Variants in ERBB4 observed in about 807,000 individuals in gnomAD.
ERBB4 encodes erb-b2 receptor tyrosine kinase 4, also known as receptor tyrosine-protein kinase erbB-4.
In ERBB4, 42 loss-of-function variants were observed where a neutral mutation model predicts 158.0. The ratio of observed to expected loss-of-function variants is 0.27; its 90% confidence interval spans 0.21 to 0.34. The LOEUF (loss-of-function observed/expected upper bound fraction) is 0.34. Among genes scored for constraint, ERBB4 ranks in the 10% least tolerant of loss-of-function variants. The pLI is 1.00. For missense variants in ERBB4, 1,333 were observed against 1,624.1 expected (o/e 0.82, Z 3.08); for synonymous variants, 583 against 558.7 (o/e 1.04, Z -0.61).
chr2:211,970,427 C>T (rs1032181176), intron 2 of ERBB4, among the ~76,000 whole-genome samples: 1 of 152,014 alleles, frequency 6.6e-6, no homozygotes, highest in African/African-American at 2.4e-5. Context: ...AAGTTCAGGT[C>T]CTGAATATCT....
rs1234630738 is a variant in ERBB4 at position 212,306,153 on chromosome 2, AT to A, written c.83-181251del. On this transcript the variant is annotated intron_variant, in intron 1 of 27. Coordinates refer to ENST00000342788, the MANE Select transcript of ERBB4 (RefSeq NM_005235.3). ...TTTTATGTGCAACAGTAGATAATAT[AT>A]AGTAGTATTCTGCTTTTATTTGATT... is the stretch of plus-strand genomic sequence containing the variant. Among the ~76,000 whole-genome samples the A allele has an allele frequency of 2.6e-5, 4 of 151,600 alleles. No individual in the cohort carries two copies. The East Asian group carries it at 7.8e-4, about 30-fold the overall frequency.
At chr2:211,540,396 C>CTAAATAG (rs1307390643) in intron 20 of ERBB4, among the ~76,000 whole-genome samples, 1 of 151,792 alleles carries the variant, frequency 6.6e-6, no homozygotes, top group African/African-American at 2.4e-5. Flanking sequence ...ATCGAATAAA[C>CTAAATAG]TAAATAGATG....
chr2:211,509,244 A>G (rs895471391), intron 20 of ERBB4, among the ~76,000 whole-genome samples: 4 of 152,108 alleles, frequency 2.6e-5, no homozygotes, highest in Non-Finnish European at 5.9e-5. Context: ...TGGGAGGCTT[A>G]AAACCTAGAT....
chr2:212,434,364 T>C (rs1283321277), intron 1 of ERBB4, among the ~76,000 whole-genome samples: 4 of 151,912 alleles, frequency 2.6e-5, no homozygotes, highest in Admixed American at 2.6e-4. Context: ...ATCTAGATGG[T>C]GCTTATGGAT....
At chr2:211,500,577 A>G (rs2065590983) in intron 20 of ERBB4, among the ~76,000 whole-genome samples, 1 of 152,182 alleles carries the variant, frequency 6.6e-6, no homozygotes, top group African/African-American at 2.4e-5. Context: ...TCATTAGTTT[A>G]TCACTGAATT....
intron 1 of ERBB4, among the ~76,000 whole-genome samples, chr2:212,173,440 G>T (rs2081577038): frequency 6.6e-6 from 1 of 152,094 alleles, no homozygotes; most frequent in Non-Finnish European, 1.5e-5. Context: ...CAAAGAGAAG[G>T]TCAGCCTGAA....
Position 211,947,595 on chromosome 2 carries a change from A to G in ERBB4, c.256T>C (p.Tyr86His), listed in dbSNP as rs763138791. ...FLRSVREVTGYVLVALNQFRY... is the reference protein window; with the variant it reads ...FLRSVREVTGHVLVALNQFRY... ...AACTGATTAAGAGCCACTAACACGT[A>G]GCCTGTGACTTCTCGAACAGACTGA... is the stretch of plus-strand genomic sequence containing the variant. The change falls in exon 3 of 28, where the codon TAC (tyrosine) becomes CAC (histidine). Residue 86 changes from tyrosine (Y) to histidine (H), a missense_variant. This residue lies in a region of ERBB4 where 438 missense variants were observed against 586.9 expected (regional missense o/e 0.75). Transcript: ENST00000342788. 1 of 1,613,774 alleles carries G rather than the reference A, an allele frequency of 6.2e-7. No homozygotes were observed. The highest frequency in any genetic ancestry group is 2.2e-5 in the East Asian group (1 of 44,808).
intron 2 of ERBB4, among the ~76,000 whole-genome samples, chr2:211,952,311 C>A (rs539238408): frequency 6.6e-6 from 1 of 151,990 alleles, no homozygotes; most frequent in East Asian, 1.9e-4. Context: ...TTACAGGAAA[C>A]AAGTTAATAA....
Position 212,225,892 on chromosome 2 carries a change from T to G in ERBB4, c.83-100989A>C, listed in dbSNP as rs73062423. On this transcript the variant is annotated intron_variant, in intron 1 of 27. Coordinates refer to ENST00000342788, the MANE Select transcript of ERBB4 (RefSeq NM_005235.3). ...GTAATCCCCTCCCCTTGAGTGGGTA[T>G]GGGTCATATGAATACACTGTAGTTT... is the stretch of plus-strand genomic sequence containing the variant. 5.5e-3 allele frequency among the ~76,000 whole-genome samples: 844 copies of G among 152,232 alleles called. 5 individuals are homozygous for G. The highest frequency in any genetic ancestry group is 0.02 in the African/African-American group (820 of 41,558).
intron 3 of ERBB4, among the ~76,000 whole-genome samples, chr2:211,881,218 G>A (rs894631846): frequency 6.6e-6 from 1 of 152,152 alleles, no homozygotes; most frequent in African/African-American, 2.4e-5. Flanking sequence ...AGTGGTCTCG[G>A]CCAAAGCAAA....
At chr2:211,589,786 T>C (rs2068405159) in intron 19 of ERBB4, among the ~76,000 whole-genome samples, 2 of 152,186 alleles carry the variant, frequency 1.3e-5, no homozygotes, top group African/African-American at 4.8e-5. Flanking sequence ...TAAAAATGAT[T>C]ACAATTGGGT....
At chr2:212,533,356 C>G (rs987390774) in intron 1 of ERBB4, among the ~76,000 whole-genome samples, 9 of 152,266 alleles carry the variant, frequency 5.9e-5, no homozygotes, top group Admixed American at 3.3e-4. Context: ...CTGTACAGTG[C>G]AGAAATAGTG....
chr2:212,309,750 T>G (rs1170423329), intron 1 of ERBB4, among the ~76,000 whole-genome samples: 5 of 105,314 alleles, frequency 4.7e-5, no homozygotes, highest in Non-Finnish European at 1.2e-4. Context: ...TGGTAAGCTT[T>G]GAGGGTATTT....
At chr2:212,068,952 T>G (rs1341334702) in intron 2 of ERBB4, among the ~76,000 whole-genome samples, 4 of 152,104 alleles carry the variant, frequency 2.6e-5, no homozygotes, top group Non-Finnish European at 5.9e-5. Context: ...GGTTTGCTGA[T>G]AGTCTCATAA....
chr2:212,272,943 C>T (rs1463605335), intron 1 of ERBB4, among the ~76,000 whole-genome samples: 2 of 151,168 alleles, frequency 1.3e-5, no homozygotes, highest in African/African-American at 4.9e-5. Context: ...TATAAATATC[C>T]CTACTATAAA....
chr2:211,456,247 G>C (rs2064378579), intron 20 of ERBB4, among the ~76,000 whole-genome samples: 1 of 152,136 alleles, frequency 6.6e-6, no homozygotes, highest in East Asian at 1.9e-4. Context: ...TTCTGTAAAA[G>C]CAATAATCCC....
chr2:211,695,917 T>C (rs1236820974), intron 12 of ERBB4, among the ~76,000 whole-genome samples: 6 of 152,144 alleles, frequency 3.9e-5, no homozygotes, highest in Admixed American at 3.3e-4. Flanking sequence ...CTAATACATG[T>C]ATAGCTCGCT....
At chr2:212,103,595 A>C (rs2079143129) in intron 2 of ERBB4, among the ~76,000 whole-genome samples, 1 of 152,082 alleles carries the variant, frequency 6.6e-6, no homozygotes, top group Admixed American at 6.6e-5. Flanking sequence ...TCAAAAGATA[A>C]ACATAATTCT....
In ERBB4 at chr2:211,386,866, G is replaced by A. The variant is rs909254725; in HGVS notation, c.3468C>T (p.Asp1156=). Residue 1156 remains aspartate (D), a synonymous_variant, in exon 27 of 28, where the codon GAC becomes GAT. Coordinates refer to ENST00000342788, the MANE Select transcript of ERBB4 (RefSeq NM_005235.3). ...DEEGYMTPMR[D]KPKQEYLNPV... is the part of the protein sequence containing the mutation. ...ATCAGTTCATACCTTGTTTGGGTTT[G>A]TCTCGCATAGGAGTCATGTAACCTT... The A allele has an allele frequency of 1.9e-6, 3 of 1,614,136 alleles. No homozygotes were observed. Among genetic ancestry groups the A allele is most frequent in the Non-Finnish European group, 2.5e-6 (3 of 1,179,986 alleles).
Sources: allele counts gnomAD v4.1 joint callset (sites outside exome capture counted in the v4.1 genomes callset), GRCh38; gene constraint gnomAD v4.1.1; regional missense constraint gnomAD v4.1.1; transcripts MANE v1.5; gene names NCBI Gene and HGNC (gene_info 2026-07-23, HGNC 2026-07-21).